Variants in PLCB1 observed in about 807,000 individuals in gnomAD.
PLCB1 encodes the protein phospholipase C beta 1.
Under a neutral mutation model 161.8 loss-of-function variants are expected in PLCB1, and 46 were observed. The observed-to-expected ratio is 0.28, with a 90% CI of 0.22 to 0.36. PLCB1 has a LOEUF of 0.36. PLCB1 is among the 10% of genes least tolerant of loss of function. The pLI is 1.00. For synonymous variants in PLCB1, 517 were observed against 503.7 expected, an observed-to-expected ratio of 1.03 and a Z score of -0.35; for missense variants, 1,016 against 1,472.5, an observed-to-expected ratio of 0.69 and a Z score of 5.07.
chr20:8,385,262 G>A (rs1230094918), intron 3 of PLCB1, among the ~76,000 whole-genome samples: 1 of 152,194 alleles, frequency 6.6e-6, no homozygotes, highest in East Asian at 1.9e-4. Context: ...CCCACCAAGT[G>A]AGAAAGGATG....
intron 2 of PLCB1, among the ~76,000 whole-genome samples, chr20:8,353,042 G>T (rs1473804584): frequency 6.6e-6 from 1 of 152,086 alleles, no homozygotes; most frequent in Non-Finnish European, 1.5e-5. Flanking sequence ...AGCATAACCA[G>T]CCCCCTGAAC....
At position 8,630,096 on chromosome 20, in the gene PLCB1, TG is replaced by T. The variant is rs1302304478; in HGVS notation, c.384+1666del. ...TCTCTCTCTTTCTTGTTTTTTTTTTTGATGGAGTCTCACTCTGTCGCCAGGT... is the reference window on the plus strand; with the variant it reads ...TCTCTCTCTTTCTTGTTTTTTTTTTTATGGAGTCTCACTCTGTCGCCAGGT... On this transcript the variant is annotated intron_variant, in intron 4 of 31. Transcript: ENST00000338037. Among the ~76,000 whole-genome samples the T allele has an allele frequency of 2.1e-4, 30 of 143,500 alleles. No individual in the cohort carries two copies. The East Asian group carries it at 5.1e-3, about 24-fold the overall frequency. The allele number at this position is 143,500 out of a possible 152,430, so 94.1% of individuals were successfully genotyped here.
At chr20:8,611,847 G>C (rs951009002) in intron 3 of PLCB1, among the ~76,000 whole-genome samples, 2 of 152,120 alleles carry the variant, frequency 1.3e-5, no homozygotes, top group Admixed American at 6.5e-5. Context: ...TCGGGAGGCT[G>C]AGGCAGGAAG....
At chr20:8,167,360 A>C (rs1333762705) in intron 2 of PLCB1, among the ~76,000 whole-genome samples, 1 of 152,170 alleles carries the variant, frequency 6.6e-6, no homozygotes, top group Non-Finnish European at 1.5e-5. Context: ...AAATGAAATA[A>C]TTTTTTAAAT....
At chr20:8,775,126 T>A (rs1031464199) in intron 27 of PLCB1, among the ~76,000 whole-genome samples, 25 of 148,164 alleles carry the variant, frequency 1.7e-4, no homozygotes, top group Admixed American at 1.0e-3. Flanking sequence ...AGAATTTTTT[T>A]AAAATTATAC....
chr20:8,391,920 G>A (rs1428110005), intron 3 of PLCB1, among the ~76,000 whole-genome samples: 2 of 150,268 alleles, frequency 1.3e-5, no homozygotes, highest in Admixed American at 6.6e-5. Context: ...TTCCAGCAGG[G>A]GAAAATACTG....
intron 2 of PLCB1, among the ~76,000 whole-genome samples, chr20:8,316,037 A>G (rs940789529): frequency 1.3e-5 from 2 of 152,184 alleles, no homozygotes; most frequent in African/African-American, 4.8e-5. Context: ...TCCAGTTACC[A>G]GCAATTATAA....
chr20:8,490,777 A>G (rs1198418952), intron 3 of PLCB1, among the ~76,000 whole-genome samples: 1 of 152,016 alleles, frequency 6.6e-6, no homozygotes, highest in Admixed American at 6.6e-5. Flanking sequence ...CTTATTTGGT[A>G]AAGCGTCTGT....
At chr20:8,482,551 CCT>C (rs1360795134) in intron 3 of PLCB1, among the ~76,000 whole-genome samples, 2 of 152,044 alleles carry the variant, frequency 1.3e-5, no homozygotes, top group Non-Finnish European at 2.9e-5. Flanking sequence ...TCTATAGTCC[CCT>C]CTTTATTGAA....
chr20:8,511,635 G>T (rs910837230), intron 3 of PLCB1, among the ~76,000 whole-genome samples: 2 of 152,018 alleles, frequency 1.3e-5, no homozygotes, highest in Non-Finnish European at 2.9e-5. Context: ...TTATATTCCT[G>T]CCAACTGTGT....
chr20:8,386,365 C>T (rs1987426341), intron 3 of PLCB1, among the ~76,000 whole-genome samples: 1 of 152,134 alleles, frequency 6.6e-6, no homozygotes, highest in East Asian at 1.9e-4. Context: ...CATTAATCTC[C>T]TTGTATATCA....
chr20:8,347,252 C>G (rs962357416), intron 2 of PLCB1, among the ~76,000 whole-genome samples: 2 of 152,184 alleles, frequency 1.3e-5, no homozygotes, highest in African/African-American at 4.8e-5. Context: ...ATAGCAAGCA[C>G]TTTGTATAAT....
Position 8,700,872 on chromosome 20 carries a change from G to C in PLCB1, c.1167+3089G>C, listed in dbSNP as rs371262781. On this transcript the variant is annotated intron_variant, in intron 11 of 31. Transcript: ENST00000338037. Reference sequence around the variant, plus strand: ...ACAGTTCTGGCTGAGATGTGGGTAGGTGACAGTGGGTGAGGATGGATGTGG... The same window carrying C: ...ACAGTTCTGGCTGAGATGTGGGTAGCTGACAGTGGGTGAGGATGGATGTGG... Among the ~76,000 whole-genome samples, 4 of 152,230 alleles carry C rather than the reference G, an allele frequency of 2.6e-5. No homozygotes were observed. The East Asian group carries it at 5.8e-4, about 22-fold the overall frequency.
At chr20:8,421,509 AT>A (rs1479266242) in intron 3 of PLCB1, among the ~76,000 whole-genome samples, 22 of 152,254 alleles carry the variant, frequency 1.4e-4, no homozygotes, top group African/African-American at 5.1e-4. Flanking sequence ...AGTGTTTATG[AT>A]GTAATATCAA....
intron 3 of PLCB1, among the ~76,000 whole-genome samples, chr20:8,452,160 CATTTTT>C (rs943192403): frequency 5.3e-5 from 8 of 152,234 alleles, no homozygotes; most frequent in African/African-American, 1.4e-4. Flanking sequence ...ATTCCATTTT[CATTTTT>C]AATTCTCTGT....
chr20:8,193,294 G>C (rs1371819228), intron 2 of PLCB1, among the ~76,000 whole-genome samples: 5 of 151,816 alleles, frequency 3.3e-5, no homozygotes, highest in Non-Finnish European at 5.9e-5. Context: ...AATTACTTCT[G>C]TACGATGCAT....
intron 4 of PLCB1, 195 bp downstream of exon 4, chr20:8,628,626 A>AT (rs913651317): frequency 1.0e-5 from 6 of 583,140 alleles, no homozygotes; most frequent in Admixed American, 6.1e-5. Context: ...AATTATGGAG[A>AT]TTTTTTTCAT....
In PLCB1 at chr20:8,444,902, T is replaced by A. The variant is rs540763325; in HGVS notation, c.246+73452T>A. ...CCTACTTTTTGATGAGGTTTTTTTT[T>A]TTCTTGTAAATTTGTTTGAGTTCTT... On this transcript the variant is annotated intron_variant, in intron 3 of 31. Coordinates refer to ENST00000338037, the MANE Select transcript of PLCB1 (RefSeq NM_015192.4). 3.0e-3 allele frequency among the ~76,000 whole-genome samples: 460 copies of A among 152,242 alleles called. 2 individuals carry two copies. Among genetic ancestry groups the A allele is most frequent in the South Asian group, 0.017 (82 of 4,824 alleles).
intron 3 of PLCB1, among the ~76,000 whole-genome samples, chr20:8,599,517 C>G (rs1472093285): frequency 8.1e-6 from 1 of 123,058 alleles, no homozygotes; most frequent in Non-Finnish European, 1.7e-5. Context: ...ACCTTTCTCT[C>G]TGGCTGCCCT....
Sources: allele counts gnomAD v4.1 joint callset (sites outside exome capture counted in the v4.1 genomes callset), GRCh38; gene constraint gnomAD v4.1.1; transcripts MANE v1.5; gene names NCBI Gene and HGNC (gene_info 2026-07-23, HGNC 2026-07-21).